The following DNAJB1 variants were observed in gnomAD, a reference collection of about 807,000 sequenced individuals.
The protein encoded by DNAJB1 is DnaJ heat shock protein family (Hsp40) member B1, also known as dnaJ homolog subfamily B member 1.
Under a neutral mutation model 24.0 loss-of-function variants are expected in DNAJB1, and 14 were observed. That is an observed-to-expected ratio of 0.58 (90% CI 0.39 to 0.91). The LOEUF is 0.91. DNAJB1 is among the 40% of genes least tolerant of loss of function. The probability of loss-of-function intolerance (pLI) is 0.00; values close to 1 mark genes in which losing one functional copy is unlikely to be tolerated. For synonymous variants in DNAJB1, 262 were observed against 174.4 expected, an observed-to-expected ratio of 1.50 and a Z score of -3.96; for missense variants, 517 against 458.1, an observed-to-expected ratio of 1.13 and a Z score of -1.17.
chr19:14,550,734 A>G (rs2073470199), upstream of DNAJB1, among the ~76,000 whole-genome samples: 1 of 152,090 alleles, frequency 6.6e-6, no homozygotes, highest in African/African-American at 2.4e-5. Flanking sequence ...ATGCAGCAGT[A>G]TAGTGGCGTG....
At chr19:14,545,176 C>T in intron 1 of DNAJB1, 1 of 456,758 alleles carries the variant, frequency 2.2e-6, no homozygotes, top group Non-Finnish European at 4.4e-6. Flanking sequence ...CCTCATTGCT[C>T]AAGGGTAAAA....
At chr19:14,543,501 C>A (rs1365878443) in intron 1 of DNAJB1, among the ~76,000 whole-genome samples, 1 of 116,074 alleles carries the variant, frequency 8.6e-6, no homozygotes, top group South Asian at 2.9e-4. Context: ...TGCAGTGGCG[C>A]GATCTAGGCT....
chr19:14,530,159 C>G (rs1030486744), upstream of DNAJB1: 2 of 197,620 alleles, frequency 1.0e-5, no homozygotes, highest in African/African-American at 4.7e-5. Flanking sequence ...CTTCCCTCGC[C>G]CGGGACGTTC....
Position 14,515,230 on chromosome 19 carries a change from C to T in DNAJB1, c.*710G>A, listed in dbSNP as rs2072235022. 6.6e-6 allele frequency: 1 copy of T among 152,634 alleles called. No individual in the cohort carries two copies. The highest frequency in any genetic ancestry group is 2.4e-5 in the African/African-American group (1 of 41,438). 9.5% of individuals were successfully genotyped at this position (152,634 alleles called of 1,614,324 possible). On this transcript the variant is annotated 3_prime_UTR_variant, in exon 3 of 3. Transcript: ENST00000254322. ...TTACAGAAATGTAAAGAGTGTGACC[C>T]ACAAAGTGAGGACATTCAGCTTCAC...
intron 1 of DNAJB1, 96 bp from the exon 2 acceptor site, chr19:14,517,142 G>T: frequency 7.4e-7 from 1 of 1,354,498 alleles, no homozygotes; most frequent in East Asian, 2.4e-5. Context: ...CCATGGGGGA[G>T]GAACTTTTTT....
intron 1 of DNAJB1, among the ~76,000 whole-genome samples, chr19:14,536,323 G>C (rs1309399163): frequency 3.3e-5 from 5 of 149,928 alleles, no homozygotes; most frequent in Middle Eastern, 3.4e-3. Flanking sequence ...AGGCTGGAGT[G>C]CAGTGGTGCC....
rs748297540 is a variant in DNAJB1, at chr19:14,548,072, T to C, written c.-214+2136A>G. ...TCTGCCTCCTGGGTCAAGCGATTCT[T>C]CTGCCTCAGCCTCCCAAGTAGCTGG... On this transcript the variant is annotated intron_variant, in intron 1 of 3. Transcript: ENST00000676982. Among the ~76,000 whole-genome samples the C allele has an allele frequency of 1.0e-3, 154 of 151,770 alleles. 4 individuals are homozygous for C. In the South Asian group the frequency reaches 0.032, roughly 31 times the overall value.
intron 1 of DNAJB1, among the ~76,000 whole-genome samples, chr19:14,535,560 A>ATATATATATATATG (rs2072857757): frequency 9.2e-5 from 2 of 21,856 alleles, no homozygotes; most frequent in African/African-American, 3.3e-4. Context: ...ATATATATAT[A>ATATATATATATATG]TATATATATA....
chr19:14,516,359 A>G, intron 2 of DNAJB1, 107 bp downstream of exon 2: 1 of 1,350,912 alleles, frequency 7.4e-7, no homozygotes, highest in African/African-American at 1.5e-5. Flanking sequence ...GTTGTGCCCC[A>G]AGCCTGGCAC....
rs566137567 is a variant in DNAJB1 at position 14,546,362 on chromosome 19, G to A, written c.-214+3846C>T. ...AGCACTTTGGAAGGCTGAGGTGGGC[G>A]GATCACTTGAGGTCAGGAGTTCAAG... is the stretch of plus-strand genomic sequence containing the variant. On this transcript the variant is annotated intron_variant, in intron 1 of 3. Transcript: ENST00000676982. Among the ~76,000 whole-genome samples, 7 of 152,064 alleles carry A rather than the reference G, an allele frequency of 4.6e-5. No homozygotes were observed. In the East Asian group the frequency reaches 9.7e-4, roughly 21 times the overall value.
upstream of DNAJB1, among the ~76,000 whole-genome samples, chr19:14,521,994 C>T (rs2072366067): frequency 6.6e-6 from 1 of 151,944 alleles, no homozygotes; most frequent in African/African-American, 2.4e-5. Flanking sequence ...CAAACAAACC[C>T]AGTAACTCTC....
intron 1 of DNAJB1, among the ~76,000 whole-genome samples, chr19:14,555,530 C>T (rs1720880593): frequency 2.7e-5 from 4 of 150,032 alleles, no homozygotes; most frequent in African/African-American, 9.8e-5. Flanking sequence ...ACCACAACCT[C>T]CATCTCCTGG....
intron 1 of DNAJB1, among the ~76,000 whole-genome samples, chr19:14,549,541 G>C (rs1167594628): frequency 6.6e-6 from 1 of 152,000 alleles, no homozygotes; most frequent in African/African-American, 2.4e-5. Context: ...TGCCCAGCCT[G>C]GCCTCAAACT....
At chr19:14,559,771 A>T (rs1050884388) in intron 1 of DNAJB1, among the ~76,000 whole-genome samples, 1 of 144,926 alleles carries the variant, frequency 6.9e-6, no homozygotes, top group Non-Finnish European at 1.5e-5. Context: ...TGGGCGACAG[A>T]GTGAGACTCT....
chr19:14,551,658 C>T (rs911722949), upstream of DNAJB1, among the ~76,000 whole-genome samples: 1 of 152,012 alleles, frequency 6.6e-6, no homozygotes, highest in African/African-American at 2.4e-5. Context: ...GCCTGGGCCC[C>T]GCTGTGGTAT....
At chr19:14,531,088 G>T (rs1048132644), upstream of DNAJB1, 2 of 152,130 alleles carry the variant, frequency 1.3e-5, no homozygotes, top group African/African-American at 2.4e-5. Context: ...GGGCTGGAGT[G>T]CAATGGCGCG....
rs564492901 is a variant in DNAJB1 at position 14,516,994 on chromosome 19, G to A, written c.264C>T (p.Thr88=). The A allele has an allele frequency of 3.1e-5, 50 of 1,610,700 alleles. No homozygotes were observed. The highest frequency in any genetic ancestry group is 2.1e-4 in the African/African-American group (16 of 74,966). ...SGGSGGGANG[T]SFSYTFHGDP... ...CTCCATGGAATGTGTAGCTGAAAGAGGTACCATTGGCACCACCGCCGCTAC... is the reference window on the plus strand; with the variant it reads ...CTCCATGGAATGTGTAGCTGAAAGAAGTACCATTGGCACCACCGCCGCTAC... The change falls in exon 2 of 3, where the codon ACC becomes ACT. Residue 88 remains threonine, a synonymous_variant. Coordinates refer to ENST00000254322, the MANE Select transcript of DNAJB1 (RefSeq NM_006145.3).
upstream of DNAJB1, among the ~76,000 whole-genome samples, chr19:14,533,504 T>G (rs1399493419): frequency 6.6e-6 from 1 of 152,112 alleles, no homozygotes; most frequent in Non-Finnish European, 1.5e-5. Flanking sequence ...CACTGAAAGG[T>G]TGGCCCCTGG....
intron 2 of DNAJB1, 118 bp from the exon 3 acceptor site, chr19:14,516,288 C>T: frequency 7.7e-7 from 1 of 1,300,134 alleles, no homozygotes; most frequent in Non-Finnish European, 1.1e-6. Context: ...ACCTGGCCCC[C>T]AAATCTACAC....
Sources: gnomAD v4.1 joint callset for allele counts (sites outside exome capture counted in the v4.1 genomes callset) on GRCh38, gnomAD v4.1.1 for gene constraint, MANE v1.5 for transcripts, NCBI Gene and HGNC (gene_info 2026-07-23, HGNC 2026-07-21) for gene names.